PGS1: variants seen among roughly 807,000 people sequenced by gnomAD.
PGS1 encodes CDP-diacylglycerol--glycerol-3-phosphate 3-phosphatidyltransferase, mitochondrial.
A neutral mutation model predicts 58.3 loss-of-function variants in PGS1; 44 were observed. The observed-to-expected ratio is 0.75, with a 90% CI of 0.59 to 0.97. The LOEUF (loss-of-function observed/expected upper bound fraction) is 0.97. PGS1 is among the 50% of genes least tolerant of loss of function. The pLI, the probability that PGS1 is intolerant of heterozygous loss-of-function variation, is 0.00. For synonymous variants in PGS1, 330 were observed against 311.0 expected, an observed-to-expected ratio of 1.06 and a Z score of -0.64; for missense variants, 684 against 731.1, an observed-to-expected ratio of 0.94 and a Z score of 0.74.
intron 1 of PGS1, among the ~76,000 whole-genome samples, chr17:78,391,105 A>G (rs1362604717): frequency 1.3e-5 from 2 of 151,856 alleles, no homozygotes; most frequent in Non-Finnish European, 2.9e-5. Flanking sequence ...ATGCCCGGCT[A>G]ATTTTTTTGT....
chr17:78,386,960 A>G (rs561940514), intron 1 of PGS1, among the ~76,000 whole-genome samples: 4 of 146,062 alleles, frequency 2.7e-5, no homozygotes, highest in East Asian at 2.0e-4. Flanking sequence ...GATGGTGATG[A>G]TGATGATGAT....
At chr17:78,423,883 G>A (rs756856607) in intron 9 of PGS1, 178 bp from the exon 10 acceptor site, 12 of 1,612,788 alleles carry the variant, frequency 7.4e-6, no homozygotes, top group Non-Finnish European at 5.1e-6. Flanking sequence ...CCCAGGGAGT[G>A]TGGGCTGTGA....
At chr17:78,420,031 C>T (rs1014550397) in intron 9 of PGS1, 12 of 1,134,856 alleles carry the variant, frequency 1.1e-5, no homozygotes, top group Non-Finnish European at 1.3e-5. Context: ...GATTGAGCCC[C>T]TCCAAGCTGA....
In PGS1 at chr17:78,384,678, C is replaced by T. The variant is rs534030681; in HGVS notation, c.143+5870C>T. The stretch of plus-strand genomic sequence containing the variant: ...ACCGACCTGTGTTTGGTATGGAGAG[C>T]GCAACTTCTGCCCTGTTCAGTGAGG... On this transcript the variant is annotated intron_variant, in intron 1 of 9. Transcript: ENST00000262764. Among the ~76,000 whole-genome samples, 13 of 152,288 alleles carry T rather than the reference C, an allele frequency of 8.5e-5. No individual in the cohort carries two copies. The South Asian group carries it at 2.3e-3, about 27-fold the overall frequency.
rs773663850 is a variant in PGS1 at position 78,414,908 on chromosome 17, C to T, written c.1432C>T (p.Leu478=). The T allele has an allele frequency of 1.9e-6, 3 of 1,614,078 alleles. No homozygotes were observed. Among genetic ancestry groups the T allele is most frequent in the South Asian group, 1.1e-5 (1 of 91,090 alleles). Residue 478 remains leucine (L), a synonymous_variant, in exon 8 of 10, where the codon CTG becomes TTG. Coordinates refer to ENST00000262764, the MANE Select transcript of PGS1 (RefSeq NM_024419.5). ...GLWLYLAGSS[L]PCLTLIGSPN... ...CTGGCTGTACCTGGCAGGGAGCAGC[C>T]TGCCCTGTCTCACGCTGATTGGCTC...
chr17:78,383,976 G>A (rs1435278498), intron 1 of PGS1, among the ~76,000 whole-genome samples: 3 of 152,190 alleles, frequency 2.0e-5, no homozygotes, highest in African/African-American at 7.2e-5. Flanking sequence ...TAAACGGGTC[G>A]ATTTTGAGGG....
chr17:78,420,240 TTGAG>T, intron 9 of PGS1: 1 of 989,174 alleles, frequency 1.0e-6, no homozygotes, highest in Non-Finnish European at 1.2e-6. Context: ...ACTCTGGAAG[TTGAG>T]TAACAGGACC....
intron 2 of PGS1, among the ~76,000 whole-genome samples, chr17:78,394,472 G>A (rs1240242306): frequency 6.6e-6 from 1 of 152,076 alleles, no homozygotes; most frequent in African/African-American, 2.4e-5. Context: ...GTCCTTGTTT[G>A]TACCGAATGA....
At chr17:78,421,275 A>G (rs902486701) in intron 9 of PGS1, 1 of 151,664 alleles carries the variant, frequency 6.6e-6, no homozygotes, top group Non-Finnish European at 1.5e-5. Context: ...TTGCACAGAG[A>G]GAAGCTTCCT....
intron 1 of PGS1, 146 bp downstream of exon 1, chr17:78,378,954 C>T (rs1488453778): frequency 4.5e-6 from 4 of 893,668 alleles, no homozygotes; most frequent in Non-Finnish European, 6.2e-6. Context: ...CGGGGCTCGG[C>T]GCCTGACCTA....
At chr17:78,415,224 C>G (rs540343927) in intron 8 of PGS1, among the ~76,000 whole-genome samples, 197 bp downstream of exon 8, 2 of 152,190 alleles carry the variant, frequency 1.3e-5, no homozygotes, top group South Asian at 2.1e-4. Flanking sequence ...CTGTGACTTC[C>G]CAGACGCGTT....
chr17:78,396,173 C>A, intron 2 of PGS1, 135 bp from the exon 3 acceptor site: 1 of 690,184 alleles, frequency 1.4e-6, no homozygotes, highest in Non-Finnish European at 2.6e-6. Context: ...TTCGAGCTTG[C>A]TTTAAATATT....
intron 6 of PGS1, among the ~76,000 whole-genome samples, chr17:78,402,989 G>T (rs2146226558): frequency 6.6e-6 from 1 of 152,228 alleles, no homozygotes. Context: ...TCTCTCTCAG[G>T]CACTGTCACT....
At chr17:78,382,344 G>GA (rs1432769196) in intron 1 of PGS1, among the ~76,000 whole-genome samples, 1 of 152,186 alleles carries the variant, frequency 6.6e-6, no homozygotes, top group Non-Finnish European at 1.5e-5. Flanking sequence ...TTCAGCCTGA[G>GA]ATGGTGGGGG....
intron 1 of PGS1, among the ~76,000 whole-genome samples, chr17:78,383,193 C>G (rs1260715077): frequency 6.6e-6 from 1 of 151,624 alleles, no homozygotes; most frequent in Non-Finnish European, 1.5e-5. Context: ...CTTAACTTCT[C>G]TGAGTTATAA....
intron 8 of PGS1, among the ~76,000 whole-genome samples, chr17:78,418,523 T>TC (rs2085403950): frequency 6.6e-6 from 1 of 152,128 alleles, no homozygotes; most frequent in Non-Finnish European, 1.5e-5. Context: ...AACTGGTTTG[T>TC]CATATGAGTT....
At position 78,399,345 on chromosome 17, in the gene PGS1, C is replaced by T; in HGVS notation, c.512-3C>T. Reference sequence around the variant, plus strand: ...AGGTGCCGTTTTCTCTGTCCGTGTTCAGGCCGGAAGAACTCCCGCACAATG... The same window carrying T: ...AGGTGCCGTTTTCTCTGTCCGTGTTTAGGCCGGAAGAACTCCCGCACAATG... On this transcript the variant is annotated splice_polypyrimidine_tract_variant and splice_region_variant and intron_variant, in intron 4 of 9. Transcript: ENST00000262764. 3 of 1,613,174 alleles carry T rather than the reference C, an allele frequency of 1.9e-6. No individual in the cohort carries two copies. Among genetic ancestry groups the T allele is most frequent in the Non-Finnish European group, 2.5e-6 (3 of 1,179,248 alleles).
intron 7 of PGS1, among the ~76,000 whole-genome samples, chr17:78,406,935 C>T (rs2084199381): frequency 6.6e-6 from 1 of 152,226 alleles, no homozygotes; most frequent in Non-Finnish European, 1.5e-5. Context: ...CCTGAAGTGG[C>T]TTTGATAAAC....
chr17:78,423,180 C>G (rs2086078416), intron 9 of PGS1, among the ~76,000 whole-genome samples: 1 of 151,946 alleles, frequency 6.6e-6, no homozygotes, highest in Non-Finnish European at 1.5e-5. Flanking sequence ...GCTGTCTCCC[C>G]TCATCCCCCA....
Sources: gnomAD v4.1 joint callset for allele counts (sites outside exome capture counted in the v4.1 genomes callset) on GRCh38, gnomAD v4.1.1 for gene constraint, MANE v1.5 for transcripts, NCBI Gene and HGNC (gene_info 2026-07-23, HGNC 2026-07-21) for gene names.